APBA3: variants seen among roughly 807,000 people sequenced by gnomAD.
APBA3 encodes the protein amyloid-beta A4 precursor protein-binding family A member 3.
APBA3 carries 45 observed loss-of-function variants against 55.9 expected under a neutral mutation model. The observed-to-expected ratio is 0.80, with a 90% confidence interval of 0.63 to 1.03. The LOEUF (loss-of-function observed/expected upper bound fraction) is 1.03. Ranked by LOEUF, APBA3 falls within the 50% of genes least tolerant of loss-of-function variation. APBA3 has a pLI of 0.00. For missense variants in APBA3, 865 were observed against 820.3 expected (o/e 1.05, Z -0.67); for synonymous variants, 370 against 353.3 (o/e 1.05, Z -0.53).
chr19:3,761,322 G>A (rs530746544), intron 1 of APBA3, among the ~76,000 whole-genome samples: 2 of 151,972 alleles, frequency 1.3e-5, no homozygotes, highest in Non-Finnish European at 2.9e-5. Flanking sequence ...CCTCCATCCA[G>A]AACTTTAGAC....
intron 3 of APBA3, among the ~76,000 whole-genome samples, chr19:3,757,976 C>T (rs2037098091): frequency 6.6e-6 from 1 of 152,136 alleles, no homozygotes; most frequent in African/African-American, 2.4e-5. Flanking sequence ...ACTCTATTGC[C>T]CAGGCTGGAG....
chr19:3,754,916 C>G (rs1441259676), intron 3 of APBA3: 1 of 152,582 alleles, frequency 6.6e-6, no homozygotes, highest in African/African-American at 2.4e-5. Flanking sequence ...ATCCACCCGC[C>G]TTGGCCTCCT....
Position 3,760,184 on chromosome 19 carries a change from A to T in APBA3, c.81T>A (p.Pro27=), listed in dbSNP as rs765746388. 1 of 1,613,050 alleles carries T rather than the reference A, an allele frequency of 6.2e-7. No individual in the cohort carries two copies. The highest frequency in any genetic ancestry group is 1.1e-5 in the South Asian group (1 of 91,086). ...GGCTGTCAGGGGTGAGGTCCTCCGA[A>T]GGCACAAGAATGTCCCTGGGCCCCT... ...DLEGPRDILV[P]SEDLTPDSQW... The change falls in exon 2 of 11, where the codon CCT becomes CCA. Residue 27 remains proline (P), a synonymous_variant. Coordinates refer to ENST00000316757, the MANE Select transcript of APBA3 (RefSeq NM_004886.4).
intron 3 of APBA3, 44 bp from the exon 4 acceptor site, chr19:3,754,384 CCACAGG>C: frequency 3.3e-6 from 5 of 1,528,798 alleles, no homozygotes; most frequent in Non-Finnish European, 3.5e-6. Context: ...GGGCCCACTC[CCACAGG>C]CTCTGCCCCA....
rs752801543 is a variant in APBA3, at chr19:3,752,814, ACT to A, written c.1182+4_1182+5del. On this transcript the variant is annotated splice_donor_5th_base_variant and intron_variant, in intron 7 of 10. Transcript: ENST00000316757. ...CCAGGTGGGGGCTGCCCAGCACCTCACTCACCTCCCGGCAGTTGTCACTGTTG... is the reference window on the plus strand; with the variant it reads ...CCAGGTGGGGGCTGCCCAGCACCTCACACCTCCCGGCAGTTGTCACTGTTG... 6.2e-7 allele frequency: 1 copy of A among 1,612,336 alleles called. No homozygotes were observed. Among genetic ancestry groups the A allele is most frequent in the South Asian group, 1.1e-5 (1 of 91,026 alleles).
rs746656418 is a variant in APBA3, at chr19:3,751,536, C to T, written c.1413G>A (p.Thr471=). 4.4e-6 allele frequency: 7 copies of T among 1,590,436 alleles called. No individual in the cohort carries two copies. The highest frequency in any genetic ancestry group is 2.2e-4 in the Middle Eastern group (1 of 4,488). Residue 471 remains threonine (T), a synonymous_variant, in exon 9 of 11, where the codon ACG becomes ACA. Coordinates refer to ENST00000316757, the MANE Select transcript of APBA3 (RefSeq NM_004886.4). ...AGTGGACGATGCTGAGTGTCACCGA[C>T]GTCTGCGACTTCGTCTCCTGTGGGG... ...QAAVRETKSQ[T]SVTLSIVHCP...
chr19:3,753,098 G>A (rs758929314), intron 6 of APBA3, 108 bp from the exon 7 acceptor site: 26 of 1,284,360 alleles, frequency 2.0e-5, no homozygotes, highest in Non-Finnish European at 2.8e-5. Context: ...CCTGGGGTGA[G>A]AGTCCCAGGA....
rs1313480118 is a variant in APBA3 at position 3,752,711 on chromosome 19, C to T, written c.1192G>A (p.Glu398Lys). The T allele has an allele frequency of 5.0e-6, 8 of 1,599,708 alleles. No individual in the cohort carries two copies. The highest frequency in any genetic ancestry group is 2.2e-5 in the South Asian group (2 of 90,192). ...NSDNCREVHL[E>K]KRRGEGLGVA... The stretch of plus-strand genomic sequence containing the variant: ...CCCAGGCCCTCCCCTCGCCGCTTCT[C>T]GAGGTGCACCTGGGACACACAGGGG... The change falls in exon 8 of 11, where the codon GAG (glutamate) becomes AAG (lysine). Residue 398 changes from glutamate (E) to lysine (K), a missense_variant. Glu to Lys is a moderately conservative substitution (Grantham distance 56). Coordinates refer to ENST00000316757, the MANE Select transcript of APBA3 (RefSeq NM_004886.4).
At position 3,753,870 on chromosome 19, in the gene APBA3, G is replaced by A. The variant is rs772386240; in HGVS notation, c.906C>T (p.Cys302=). The A allele has an allele frequency of 5.0e-5, 78 of 1,565,146 alleles. No homozygotes were observed. The highest frequency in any genetic ancestry group is 6.4e-5 in the Non-Finnish European group (74 of 1,155,560). Residue 302 remains cysteine (C), a synonymous_variant, in exon 6 of 11, where the codon TGC becomes TGT. Transcript: ENST00000316757. The stretch of plus-strand genomic sequence containing the variant: ...GCCGCCGCGCCATCAGCACCAGCAC[G>A]CAGCCGATGTCGGCTGTGTAGGAGA... The part of the protein sequence containing the change: ...HTISYTADIG[C]VLVLMARRRL...
chr19:3,753,165 A>C (rs2037031764), intron 6 of APBA3, 175 bp from the exon 7 acceptor site: 1 of 713,518 alleles, frequency 1.4e-6, no homozygotes, highest in Non-Finnish European at 2.3e-6. Context: ...CATCTTGGGG[A>C]ATCTACGGGG....
chr19:3,760,659 G>A (rs1481742424), intron 1 of APBA3, among the ~76,000 whole-genome samples: 1 of 150,878 alleles, frequency 6.6e-6, no homozygotes, highest in Admixed American at 6.6e-5. Flanking sequence ...TGAGGCAGGA[G>A]AATCGCCTGA....
chr19:3,757,130 T>C (rs1248168869), intron 3 of APBA3, among the ~76,000 whole-genome samples: 1 of 152,120 alleles, frequency 6.6e-6, no homozygotes, highest in Admixed American at 6.6e-5. Context: ...TTTTCTTTTT[T>C]TTGAGACATG....
rs1423009909 is a variant in APBA3, at chr19:3,759,894, G to A, written c.371C>T (p.Ser124Phe). Reference protein sequence around the residue: ...GLLHCEECPPSQTGPEEPLEP... With the variant: ...GLLHCEECPPFQTGPEEPLEP... Reference sequence around the variant, plus strand: ...TAGAGGCTCTTCAGGACCAGTCTGGGAAGGCGGGCATTCCTCGCAGTGCAA... The same window carrying A: ...TAGAGGCTCTTCAGGACCAGTCTGGAAAGGCGGGCATTCCTCGCAGTGCAA... Residue 124 changes from serine to phenylalanine, a missense_variant, in exon 2 of 11, where the codon TCC becomes TTC. Ser to Phe is a radical substitution (Grantham distance 155). Transcript: ENST00000316757. 1 of 1,611,978 alleles carries A rather than the reference G, an allele frequency of 6.2e-7. No individual in the cohort carries two copies. The highest frequency in any genetic ancestry group is 8.5e-7 in the Non-Finnish European group (1 of 1,179,614).
chr19:3,754,075 C>T lies in APBA3; in HGVS notation c.793G>A (p.Glu265Lys). 6.2e-7 allele frequency: 1 copy of T among 1,609,858 alleles called. No homozygotes were observed. The highest frequency in any genetic ancestry group is 8.5e-7 in the Non-Finnish European group (1 of 1,178,244). ...TTGGTGGAGACGAACAGGTCCACCT[C>T]CGTCATGGGCTGGGTCTCCCCATCG... ...APDGETQPMT[E>K]VDLFVSTKRI... The change falls in exon 5 of 11, where the codon GAG (glutamate) becomes AAG (lysine). Residue 265 changes from glutamate to lysine, a missense_variant. Physicochemically the swap from Glu to Lys is moderately conservative, Grantham distance 56. Coordinates refer to ENST00000316757, the MANE Select transcript of APBA3 (RefSeq NM_004886.4).
chr19:3,751,284 G>T lies in APBA3; in HGVS notation c.1561C>A (p.Arg521Ser). The change falls in exon 10 of 11, where the codon CGC (arginine) becomes AGC (serine). Residue 521 changes from arginine to serine, a missense_variant. By Grantham distance (110) the Arg-to-Ser change is moderately radical (BLOSUM62 -1). Transcript: ENST00000316757. ...RGGIAERGGI[R>S]VGHRIIEING... ...ATCTCAATGATGCGGTGGCCGACGC[G>T]GATGCCCCCACGCTCGGCGATGCCA... The T allele has an allele frequency of 6.5e-7, 1 of 1,542,362 alleles. No homozygotes were observed. Among genetic ancestry groups the T allele is most frequent in the Non-Finnish European group, 8.7e-7 (1 of 1,146,984 alleles).
chr19:3,753,307 C>A, intron 6 of APBA3: 1 of 461,982 alleles, frequency 2.2e-6, no homozygotes, highest in East Asian at 3.7e-5. Context: ...AGGGACAGCC[C>A]AGGAGCGGGC....
Position 3,751,265 on chromosome 19 carries a change from A to G in APBA3, c.1580T>C (p.Ile527Thr), listed in dbSNP as rs563672052. The G allele has an allele frequency of 2.6e-6, 4 of 1,545,578 alleles. No homozygotes were observed. The East Asian group carries it at 9.7e-5, about 38-fold the overall frequency. ...CACCACACTCTGCCCATTGATCTCAATGATGCGGTGGCCGACGCGGATGCC... is the reference window on the plus strand; with the variant it reads ...CACCACACTCTGCCCATTGATCTCAGTGATGCGGTGGCCGACGCGGATGCC... ...RGGIRVGHRI[I>T]EINGQSVVAT... The change falls in exon 10 of 11, where the codon ATT (isoleucine) becomes ACT (threonine). Residue 527 changes from isoleucine to threonine, a missense_variant. By Grantham distance (89) the Ile-to-Thr change is moderately conservative (BLOSUM62 -1). Transcript: ENST00000316757.
At position 3,760,222 on chromosome 19, in the gene APBA3, C is replaced by A; in HGVS notation, c.43G>T (p.Ala15Ser). 6.2e-7 allele frequency: 1 copy of A among 1,610,162 alleles called. No homozygotes were observed. The highest frequency in any genetic ancestry group is 8.5e-7 in the Non-Finnish European group (1 of 1,179,702). Reference protein sequence around the residue: ...TISRSPSGPPAMDLEGPRDIL... With the variant: ...TISRSPSGPPSMDLEGPRDIL... ...TCCCTGGGCCCCTCCAAGTCCATGG[C>A]TGGAGGCCCCGAAGGGGATCGGGAA... Residue 15 changes from alanine (A) to serine (S), a missense_variant, in exon 2 of 11, where the codon GCC becomes TCC. Ala to Ser is a moderately conservative substitution (Grantham distance 99). Transcript: ENST00000316757.
Position 3,759,942 on chromosome 19 carries a change from C to G in APBA3, c.323G>C (p.Gly108Ala). ...CAAGAGGCCCAGCAGGTCATCCCGGCCAGCTTCGGCAGACAGGAGCCCGTG... is the reference window on the plus strand; with the variant it reads ...CAAGAGGCCCAGCAGGTCATCCCGGGCAGCTTCGGCAGACAGGAGCCCGTG... ...DAHGLLSAEA[G>A]RDDLLGLLHC... Residue 108 changes from glycine to alanine, a missense_variant, in exon 2 of 11, where the codon GGC becomes GCC. Physicochemically the swap from Gly to Ala is moderately conservative, Grantham distance 60 (BLOSUM62 0). Coordinates refer to ENST00000316757, the MANE Select transcript of APBA3 (RefSeq NM_004886.4). 1 of 1,609,776 alleles carries G rather than the reference C, an allele frequency of 6.2e-7. No individual in the cohort carries two copies. Among genetic ancestry groups the G allele is most frequent in the Non-Finnish European group, 8.5e-7 (1 of 1,178,978 alleles).
Sources: allele counts gnomAD v4.1 joint callset (sites outside exome capture counted in the v4.1 genomes callset), GRCh38; gene constraint gnomAD v4.1.1; transcripts MANE v1.5; gene names NCBI Gene and HGNC (gene_info 2026-07-23, HGNC 2026-07-21).